The following JAK2 variants were observed in gnomAD, a reference collection of about 807,000 sequenced individuals.
JAK2 encodes tyrosine-protein kinase JAK2.
JAK2 carries 86 observed loss-of-function variants against 139.3 expected under a neutral mutation model. The ratio of observed to expected loss-of-function variants is 0.62; its 90% CI spans 0.52 to 0.74. The LOEUF (loss-of-function observed/expected upper bound fraction) is 0.74. Ranked by LOEUF, JAK2 falls within the 30% of genes least tolerant of loss-of-function variation. The pLI, the probability that JAK2 is intolerant of heterozygous loss-of-function variation, is 0.00. For missense variants in JAK2, 1,421 were observed against 1,360.3 expected, an observed-to-expected ratio of 1.04 and a Z score of -0.70; for synonymous variants, 490 against 437.7, an observed-to-expected ratio of 1.12 and a Z score of -1.49.
At chr9:5,049,035 C>A (rs980883585) in intron 5 of JAK2, among the ~76,000 whole-genome samples, 1 of 152,120 alleles carries the variant, frequency 6.6e-6, no homozygotes, top group Non-Finnish European at 1.5e-5. Context: ...AATCGTAGAA[C>A]CTCTGTGTTT....
chr9:5,006,101 C>T lies in JAK2; in HGVS notation c.-25-15862C>T, dbSNP rs556871653. Among the ~76,000 whole-genome samples, 834 of 152,196 alleles carry T rather than the reference C, an allele frequency of 5.5e-3. 9 individuals carry two copies. The highest frequency in any genetic ancestry group is 0.019 in the African/African-American group (796 of 41,514). ...ACCTTGGGCAGTATGGCCATTTTCA[C>T]GATATTGATTCTTCCTACCCATGAG... On this transcript the variant is annotated intron_variant, in intron 2 of 24. Coordinates refer to ENST00000381652, the MANE Select transcript of JAK2 (RefSeq NM_004972.4).
At chr9:5,116,636 C>CTAATAA (rs1823199401) in intron 22 of JAK2, among the ~76,000 whole-genome samples, 2 of 152,172 alleles carry the variant, frequency 1.3e-5, no homozygotes, top group African/African-American at 2.4e-5. Context: ...TGAATACAAG[C>CTAATAA]TAATAAATAT....
rs1821421043 is a variant in JAK2, at chr9:5,007,898, TTG to T, written c.-25-14061_-25-14060del. ...ACGTGCCACCACGCCTGGCTAATTT[TTG>T]TGTTTTCACTGGAGAACAGGGTCTC... On this transcript the variant is annotated intron_variant, in intron 2 of 24. Coordinates refer to ENST00000381652, the MANE Select transcript of JAK2 (RefSeq NM_004972.4). Among the ~76,000 whole-genome samples the T allele has an allele frequency of 8.6e-5, 13 of 152,036 alleles. No individual in the cohort carries two copies. The South Asian group carries it at 2.7e-3, about 32-fold the overall frequency.
chr9:5,042,529 C>T (rs1481257154), intron 4 of JAK2, among the ~76,000 whole-genome samples: 3 of 152,198 alleles, frequency 2.0e-5, no homozygotes, highest in Non-Finnish European at 2.9e-5. Flanking sequence ...AAAAGAAAGG[C>T]CCCCTCCACC....
At chr9:5,014,281 G>C (rs1467643542) in intron 2 of JAK2, among the ~76,000 whole-genome samples, 1 of 151,198 alleles carries the variant, frequency 6.6e-6, no homozygotes, top group African/African-American at 2.4e-5. Context: ...AGGGATTACA[G>C]GTGTGAGCCA....
chr9:5,046,408 G>T (rs905410679), intron 5 of JAK2, among the ~76,000 whole-genome samples: 4 of 152,112 alleles, frequency 2.6e-5, no homozygotes, highest in African/African-American at 9.6e-5. Flanking sequence ...TTTTAAATTT[G>T]GCTGTATTCT....
intron 22 of JAK2, among the ~76,000 whole-genome samples, chr9:5,105,051 C>T (rs1314183625): frequency 6.6e-6 from 1 of 152,178 alleles, no homozygotes; most frequent in African/African-American, 2.4e-5. Flanking sequence ...GTTAGAAGTT[C>T]TGGCCAGGGC....
At chr9:5,124,272 G>T (rs1431621722) in intron 23 of JAK2, among the ~76,000 whole-genome samples, 3 of 151,702 alleles carry the variant, frequency 2.0e-5, no homozygotes, top group Non-Finnish European at 3.0e-5. Context: ...TCTTTGCCAT[G>T]AATTCTTTGT....
chr9:5,090,361 A>T, intron 20 of JAK2, 85 bp from the exon 21 acceptor site: 1 of 976,072 alleles, frequency 1.0e-6, no homozygotes, highest in Non-Finnish European at 1.4e-6. Flanking sequence ...ATATATGTTT[A>T]AGTCATTTAT....
At chr9:5,058,758 T>A (rs1317918787) in intron 8 of JAK2, among the ~76,000 whole-genome samples, 1 of 152,234 alleles carries the variant, frequency 6.6e-6, no homozygotes, top group Non-Finnish European at 1.5e-5. Context: ...AGTATCTCAT[T>A]GTGATTTTGA....
intron 10 of JAK2, among the ~76,000 whole-genome samples, chr9:5,068,642 T>C (rs762240778): frequency 9.2e-5 from 14 of 152,350 alleles, no homozygotes; most frequent in Non-Finnish European, 1.8e-4. Flanking sequence ...ACGTAGGTTG[T>C]ATGTTGGCAG....
At chr9:5,035,679 A>C (rs1823532415) in intron 4 of JAK2, among the ~76,000 whole-genome samples, 1 of 152,260 alleles carries the variant, frequency 6.6e-6, no homozygotes, top group South Asian at 2.1e-4. Flanking sequence ...AAAATTCAAC[A>C]ACCCTTCATG....
chr9:5,032,359 G>A (rs1287078885), intron 4 of JAK2, among the ~76,000 whole-genome samples: 2 of 152,234 alleles, frequency 1.3e-5, no homozygotes, highest in African/African-American at 4.8e-5. Context: ...AGAATCCTTT[G>A]CAGACTTAAA....
chr9:5,010,089 G>C (rs917772475), intron 2 of JAK2, among the ~76,000 whole-genome samples: 1 of 152,142 alleles, frequency 6.6e-6, no homozygotes, highest in Non-Finnish European at 1.5e-5. Flanking sequence ...GTTTTAAATA[G>C]AGTCTATTTC....
intron 4 of JAK2, among the ~76,000 whole-genome samples, chr9:5,031,834 T>C (rs369053330): frequency 7.2e-5 from 11 of 152,334 alleles, no homozygotes; most frequent in African/African-American, 2.6e-4. Flanking sequence ...GCATGGGCGA[T>C]GCAGAAGACG....
chr9:5,087,529 C>A (rs1820227495), intron 19 of JAK2, among the ~76,000 whole-genome samples: 1 of 152,190 alleles, frequency 6.6e-6, no homozygotes, highest in Admixed American at 6.5e-5. Flanking sequence ...GGTTTTCTAT[C>A]TTAAATCTTT....
chr9:5,070,133 T>C (rs957042017), intron 12 of JAK2, 81 bp downstream of exon 12: 12 of 978,804 alleles, frequency 1.2e-5, no homozygotes, highest in Middle Eastern at 4.9e-4. Flanking sequence ...TCATGTGACA[T>C]TGGAATTATT....
At chr9:5,059,209 C>T (rs1275004411) in intron 8 of JAK2, among the ~76,000 whole-genome samples, 1 of 152,164 alleles carries the variant, frequency 6.6e-6, no homozygotes, top group Non-Finnish European at 1.5e-5. Context: ...AGAAGGTTTC[C>T]ACATGCATCT....
intron 22 of JAK2, chr9:5,112,952 C>CA: frequency 4.7e-6 from 1 of 213,136 alleles, no homozygotes; most frequent in Admixed American, 5.9e-5. Context: ...ACACCTCACA[C>CA]AACTGTTGTC....
Sources: gnomAD v4.1 joint callset for allele counts (sites outside exome capture counted in the v4.1 genomes callset) on GRCh38, gnomAD v4.1.1 for gene constraint, MANE v1.5 for transcripts, NCBI Gene and HGNC (gene_info 2026-07-23, HGNC 2026-07-21) for gene names.